PDE7B: variants seen among roughly 807,000 people sequenced by gnomAD.
PDE7B encodes the protein 3',5'-cyclic-AMP phosphodiesterase 7B.
PDE7B carries 29 observed loss-of-function variants against 56.2 expected under a neutral mutation model. The ratio of observed to expected loss-of-function variants is 0.52; its 90% CI spans 0.38 to 0.70. The LOEUF (loss-of-function observed/expected upper bound fraction) is 0.70. Ranked by LOEUF, PDE7B falls within the 30% of genes least tolerant of loss-of-function variation. The pLI is 0.00. For synonymous variants in PDE7B, 197 were observed against 196.9 expected (o/e 1.00, Z 0.00); for missense variants, 490 against 565.0 (o/e 0.87, Z 1.35).
chr6:136,051,287 G>A (rs768151885), intron 2 of PDE7B, among the ~76,000 whole-genome samples: 3 of 152,090 alleles, frequency 2.0e-5, no homozygotes, highest in Non-Finnish European at 1.5e-5. Context: ...GGAAATACCA[G>A]AAAAGATCAC....
chr6:136,038,628 T>A (rs2128209734), intron 2 of PDE7B: 1 of 907,726 alleles, frequency 1.1e-6, no homozygotes, highest in Non-Finnish European at 1.5e-6. Context: ...ATGAACTGTG[T>A]AGCATCAGGT....
At chr6:135,985,367 A>T (rs917974491) in intron 2 of PDE7B, among the ~76,000 whole-genome samples, 1 of 152,210 alleles carries the variant, frequency 6.6e-6, no homozygotes, top group Non-Finnish European at 1.5e-5. Context: ...AGGCAACTAG[A>T]GGTTTCCAGA....
intron 1 of PDE7B, among the ~76,000 whole-genome samples, chr6:135,901,086 T>C (rs1775991710): frequency 6.6e-6 from 1 of 152,180 alleles, no homozygotes; most frequent in Non-Finnish European, 1.5e-5. Context: ...GAAATTAAAG[T>C]AGCAACCGCT....
At chr6:136,005,282 A>G (rs2128206523) in intron 2 of PDE7B, among the ~76,000 whole-genome samples, 1 of 152,318 alleles carries the variant, frequency 6.6e-6, no homozygotes, top group African/African-American at 2.4e-5. Flanking sequence ...ACCATTCAGG[A>G]CATAGGCATG....
At chr6:135,888,160 G>T (rs1724561310) in intron 1 of PDE7B, among the ~76,000 whole-genome samples, 1 of 152,114 alleles carries the variant, frequency 6.6e-6, no homozygotes, top group African/African-American at 2.4e-5. Context: ...TATGACCTCA[G>T]TGAGTTTCGT....
chr6:136,183,595 C>CAA (rs59123124), intron 11 of PDE7B, among the ~76,000 whole-genome samples: 8 of 66,142 alleles, frequency 1.2e-4, no homozygotes, highest in South Asian at 6.0e-4. Flanking sequence ...GACTCTGTCT[C>CAA]AAAAAAAAAA....
intron 3 of PDE7B, among the ~76,000 whole-genome samples, chr6:136,118,531 A>T (rs1777876057): frequency 6.6e-6 from 1 of 152,246 alleles, no homozygotes; most frequent in African/African-American, 2.4e-5. Flanking sequence ...AGCCACTACT[A>T]TTACAGATGA....
At chr6:135,915,535 C>A (rs1262909661) in intron 1 of PDE7B, among the ~76,000 whole-genome samples, 1 of 152,088 alleles carries the variant, frequency 6.6e-6, no homozygotes, top group East Asian at 1.9e-4. Flanking sequence ...CATTTTCTTG[C>A]AAATACCTTT....
chr6:136,137,720 T>C (rs1295330516), intron 3 of PDE7B, among the ~76,000 whole-genome samples: 1 of 152,112 alleles, frequency 6.6e-6, no homozygotes, highest in Non-Finnish European at 1.5e-5. Flanking sequence ...ACAGAGACTA[T>C]TCCATAAAGA....
At chr6:136,027,114 G>C (rs1288894666) in intron 2 of PDE7B, among the ~76,000 whole-genome samples, 3 of 152,170 alleles carry the variant, frequency 2.0e-5, no homozygotes, top group African/African-American at 7.2e-5. Context: ...GCCCTCACCA[G>C]AATCTGACCA....
In PDE7B at chr6:135,890,762, G is replaced by C. The variant is rs569149408; in HGVS notation, c.21+38743G>C. 9.9e-5 allele frequency among the ~76,000 whole-genome samples: 15 copies of C among 152,242 alleles called. No individual in the cohort carries two copies. In the South Asian group the frequency reaches 2.7e-3, roughly 27 times the overall value. Reference sequence around the variant, plus strand: ...CAAAAAGATACTCTTCGAGGTCCGGGGAGGAAATGCAGAAACTGCTAATGG... The same window carrying C: ...CAAAAAGATACTCTTCGAGGTCCGGCGAGGAAATGCAGAAACTGCTAATGG... On this transcript the variant is annotated intron_variant, in intron 1 of 12. Transcript: ENST00000308191.
At chr6:135,858,063 A>G (rs972717599) in intron 1 of PDE7B, among the ~76,000 whole-genome samples, 2 of 152,200 alleles carry the variant, frequency 1.3e-5, no homozygotes, top group African/African-American at 2.4e-5. Context: ...TTATTGTGTG[A>G]TATTTTAAAG....
intron 2 of PDE7B, among the ~76,000 whole-genome samples, chr6:136,008,074 A>T (rs528201516): frequency 3.0e-4 from 46 of 151,654 alleles, no homozygotes; most frequent in African/African-American, 1.1e-3. Context: ...ATGAGTGAGA[A>T]CGTGCAGTGT....
intron 2 of PDE7B, among the ~76,000 whole-genome samples, chr6:136,040,589 G>T (rs1554275496): frequency 1.3e-5 from 2 of 151,984 alleles, no homozygotes; most frequent in African/African-American, 2.4e-5. Flanking sequence ...GCATTTTTTT[G>T]TTTGTTTTTA....
At chr6:136,138,486 A>C (rs1778254698) in intron 3 of PDE7B, among the ~76,000 whole-genome samples, 1 of 152,068 alleles carries the variant, frequency 6.6e-6, no homozygotes, top group Non-Finnish European at 1.5e-5. Context: ...ACACTCGATA[A>C]GTTATTAATG....
rs199951409 is a variant in PDE7B at position 136,137,268 on chromosome 6, TA to T, written c.167-10073del. ...TGGGCAGCATAGCAAGACTGTCACTTAAAAAAAAAATTCCTATAAAAGGAAG... is the reference window on the plus strand; with the variant it reads ...TGGGCAGCATAGCAAGACTGTCACTTAAAAAAAAATTCCTATAAAAGGAAG... On this transcript the variant is annotated intron_variant, in intron 3 of 12. Coordinates refer to ENST00000308191, the MANE Select transcript of PDE7B (RefSeq NM_018945.4). Among the ~76,000 whole-genome samples the T allele has an allele frequency of 5.3e-3, 788 of 149,920 alleles. 5 individuals are homozygous for T. The highest frequency in any genetic ancestry group is 0.018 in the African/African-American group (752 of 40,976).
chr6:135,883,733 A>G (rs539797823), intron 1 of PDE7B, among the ~76,000 whole-genome samples: 1 of 152,322 alleles, frequency 6.6e-6, no homozygotes, highest in East Asian at 1.9e-4. Context: ...GAGAGACCTC[A>G]TATTTCCAGG....
chr6:136,155,583 TG>T, intron 7 of PDE7B, 43 bp from the exon 8 acceptor site: 3 of 1,555,238 alleles, frequency 1.9e-6, no homozygotes, highest in African/African-American at 1.4e-5. Context: ...TGAGCCTATT[TG>T]TGAAAATACA....
chr6:135,984,136 A>G (rs1775341012), intron 2 of PDE7B, among the ~76,000 whole-genome samples: 1 of 152,222 alleles, frequency 6.6e-6, no homozygotes, highest in Non-Finnish European at 1.5e-5. Context: ...TTTGAATAAG[A>G]ATACAACAGT....
Sources: gnomAD v4.1 joint callset for allele counts (sites outside exome capture counted in the v4.1 genomes callset) on GRCh38, gnomAD v4.1.1 for gene constraint, MANE v1.5 for transcripts, NCBI Gene and HGNC (gene_info 2026-07-23, HGNC 2026-07-21) for gene names.